DLC1: variants seen among roughly 807,000 people sequenced by gnomAD.
DLC1 encodes rho GTPase-activating protein 7.
DLC1 carries 54 observed loss-of-function variants against 140.3 expected under a neutral mutation model. That is an observed-to-expected ratio of 0.38 (90% CI 0.31 to 0.48). The LOEUF is 0.48. Ranked by LOEUF, DLC1 falls within the 20% of genes least tolerant of loss-of-function variation. The probability of loss-of-function intolerance (pLI) is 0.96; values close to 1 mark genes in which losing one functional copy is unlikely to be tolerated. For synonymous variants in DLC1, 986 were observed against 728.1 expected, an observed-to-expected ratio of 1.35 and a Z score of -5.70; for missense variants, 2,536 against 1,907.0, an observed-to-expected ratio of 1.33 and a Z score of -6.14.
At chr8:13,330,567 C>T (rs1833543671) in intron 4 of DLC1, among the ~76,000 whole-genome samples, 1 of 152,124 alleles carries the variant, frequency 6.6e-6, no homozygotes, top group African/African-American at 2.4e-5. Context: ...CCAGCACATT[C>T]AAACCAGTCA....
In DLC1 at chr8:13,415,182, CT is replaced by C. The variant is rs1837993501; in HGVS notation, c.1024-13564del. Among the ~76,000 whole-genome samples the C allele has an allele frequency of 2.0e-5, 3 of 151,858 alleles. No individual in the cohort carries two copies. The South Asian group carries it at 6.2e-4, about 32-fold the overall frequency. On this transcript the variant is annotated intron_variant, in intron 2 of 17. Coordinates refer to ENST00000276297, the MANE Select transcript of DLC1 (RefSeq NM_182643.3). ...ATGTGATTTGATGTAATTTAAAACA[CT>C]TTAGTGATTTTATTTAGTGATTTAA...
In DLC1 at chr8:13,099,870, T is replaced by C; in HGVS notation, c.2467A>G (p.Thr823Ala). The part of the protein sequence containing the change: ...HKPGTFPKAL[T>A]NGSFSPSGNN... ...CCCGAGGGGGAGAAACTGCCATTGGTGAGAGCTTTGGGGAAAGTGCCAGGC... is the reference window on the plus strand; with the variant it reads ...CCCGAGGGGGAGAAACTGCCATTGGCGAGAGCTTTGGGGAAAGTGCCAGGC... The change falls in exon 9 of 18, where the codon ACC becomes GCC. Residue 823 changes from threonine (T) to alanine (A), a missense_variant. Thr to Ala is a moderately conservative substitution (Grantham distance 58, BLOSUM62 0). Transcript: ENST00000276297. 1 of 1,614,204 alleles carries C rather than the reference T, an allele frequency of 6.2e-7. No individual in the cohort carries two copies. The highest frequency in any genetic ancestry group is 2.2e-5 in the East Asian group (1 of 44,870).
At chr8:13,427,130 A>G (rs1426235058) in intron 2 of DLC1, among the ~76,000 whole-genome samples, 1 of 152,148 alleles carries the variant, frequency 6.6e-6, no homozygotes, top group Non-Finnish European at 1.5e-5. Flanking sequence ...ATACAAATGT[A>G]TGTGGGGCTC....
upstream of DLC1, among the ~76,000 whole-genome samples, chr8:13,519,066 T>C (rs1204113595): frequency 2.0e-5 from 3 of 152,160 alleles, no homozygotes; most frequent in Non-Finnish European, 4.4e-5. Context: ...TATGTATACA[T>C]GTGCCATGTT....
At chr8:13,597,147 C>T (rs1242510933) in intron 1 of DLC1, among the ~76,000 whole-genome samples, 1 of 151,858 alleles carries the variant, frequency 6.6e-6, no homozygotes, top group Non-Finnish European at 1.5e-5. Context: ...GTTTAGGAGC[C>T]AAAATTCTTA....
chr8:13,152,111 G>C (rs1823866078), intron 5 of DLC1, among the ~76,000 whole-genome samples: 1 of 152,182 alleles, frequency 6.6e-6, no homozygotes. Flanking sequence ...GTTGCTTTGA[G>C]TGCACAACTG....
At chr8:13,197,330 AT>A (rs999430091) in intron 5 of DLC1, among the ~76,000 whole-genome samples, 15 of 150,992 alleles carry the variant, frequency 9.9e-5, no homozygotes, top group Middle Eastern at 3.4e-3. Flanking sequence ...GATTTATTTT[AT>A]TTTTTTTTAA....
chr8:13,213,029 G>C (rs1828019710), intron 5 of DLC1, among the ~76,000 whole-genome samples: 1 of 152,170 alleles, frequency 6.6e-6, no homozygotes, highest in Admixed American at 6.5e-5. Context: ...TTCAAAAAGA[G>C]ATGTTGAATG....
In DLC1 at chr8:13,482,719, G is replaced by C. The variant is rs541029304; in HGVS notation, c.1023+16330C>G. The stretch of plus-strand genomic sequence containing the variant: ...GCGATTTAATTGGAACAGAGAGACA[G>C]TGAGAGAATAGGATTAATGATTATT... On this transcript the variant is annotated intron_variant, in intron 2 of 17. Transcript: ENST00000276297. Among the ~76,000 whole-genome samples, 40 of 152,338 alleles carry C rather than the reference G, an allele frequency of 2.6e-4. 1 individual carries two copies. The South Asian group carries it at 8.1e-3, about 31-fold the overall frequency.
intron 5 of DLC1, among the ~76,000 whole-genome samples, chr8:13,162,776 C>T (rs1039959659): frequency 6.6e-5 from 10 of 152,076 alleles, no homozygotes; most frequent in South Asian, 2.1e-4. Context: ...CCCGTCTTTA[C>T]GCCTCCCCAG....
rs962297163 is a variant in DLC1, at chr8:13,565,147, C to T, written c.-126+39390G>A. Among the ~76,000 whole-genome samples the T allele has an allele frequency of 2.0e-5, 3 of 152,262 alleles. No individual in the cohort carries two copies. The East Asian group carries it at 5.8e-4, about 29-fold the overall frequency. On this transcript the variant is annotated intron_variant, in intron 1 of 1. Coordinates refer to the DLC1 transcript ENST00000631382. ...GAATGTAAAACTGTCCACTGGGTCA[C>T]GCTGAATATTACAAGGAAATTAATT... is the stretch of plus-strand genomic sequence containing the variant.
chr8:13,453,166 T>C (rs1440207173), intron 2 of DLC1, among the ~76,000 whole-genome samples: 1 of 150,086 alleles, frequency 6.7e-6, no homozygotes, highest in Non-Finnish European at 1.5e-5. Context: ...TAAAAATATA[T>C]AATTATTCTA....
chr8:13,482,637 T>A (rs1448082530), intron 2 of DLC1, among the ~76,000 whole-genome samples: 3 of 152,216 alleles, frequency 2.0e-5, no homozygotes, highest in Non-Finnish European at 2.9e-5. Context: ...TTATTAGCAT[T>A]TCTTGAGAGA....
intron 1 of DLC1, among the ~76,000 whole-genome samples, chr8:13,555,389 T>C (rs1022522354): frequency 1.3e-5 from 2 of 152,196 alleles, no homozygotes; most frequent in Non-Finnish European, 2.9e-5. Flanking sequence ...AAGATAGCCA[T>C]AGCAACTTCA....
intron 5 of DLC1, among the ~76,000 whole-genome samples, chr8:13,187,552 A>G (rs1585868747): frequency 6.6e-6 from 1 of 152,218 alleles, no homozygotes; most frequent in African/African-American, 2.4e-5. Context: ...CAGAAAGATG[A>G]CAGAGGACTA....
chr8:13,538,164 A>C (rs939792744), intron 1 of DLC1, among the ~76,000 whole-genome samples: 1 of 152,104 alleles, frequency 6.6e-6, no homozygotes, highest in Non-Finnish European at 1.5e-5. Context: ...AGGCCTTCTT[A>C]AATACTGGAA....
intron 4 of DLC1, among the ~76,000 whole-genome samples, chr8:13,313,137 T>C (rs926669117): frequency 6.6e-6 from 1 of 152,200 alleles, no homozygotes; most frequent in Non-Finnish European, 1.5e-5. Context: ...CTTACAGCAC[T>C]GTTTTCCTTA....
At chr8:13,569,989 G>C (rs1359340174) in intron 1 of DLC1, among the ~76,000 whole-genome samples, 1 of 152,180 alleles carries the variant, frequency 6.6e-6, no homozygotes, top group Non-Finnish European at 1.5e-5. Flanking sequence ...GCCTTCCCAA[G>C]TGCTGGGATT....
chr8:13,256,748 G>A (rs1830244913), intron 5 of DLC1, among the ~76,000 whole-genome samples: 1 of 152,022 alleles, frequency 6.6e-6, no homozygotes, highest in Non-Finnish European at 1.5e-5. Flanking sequence ...GGAAGGGAGA[G>A]CATTAAGACA....
Sources: gnomAD v4.1 joint callset for allele counts (sites outside exome capture counted in the v4.1 genomes callset) on GRCh38, gnomAD v4.1.1 for gene constraint, MANE v1.5 for transcripts, NCBI Gene and HGNC (gene_info 2026-07-23, HGNC 2026-07-21) for gene names.